FOXP1: variants seen among roughly 807,000 people sequenced by gnomAD.
FOXP1 encodes forkhead box P1, also known as forkhead box protein P1.
In FOXP1, 15 loss-of-function variants were observed where a neutral mutation model predicts 98.2. That is an observed-to-expected ratio of 0.15 (90% CI 0.10 to 0.24). The LOEUF (loss-of-function observed/expected upper bound fraction) is 0.24. FOXP1 is among the 10% of genes least tolerant of loss of function. The probability of loss-of-function intolerance (pLI) is 1.00; values close to 1 mark genes in which losing one functional copy is unlikely to be tolerated. For synonymous variants in FOXP1, 371 were observed against 314.5 expected (o/e 1.18, Z -1.90); for missense variants, 633 against 848.5 (o/e 0.75, Z 3.15).
rs186514985 is a variant in FOXP1, at chr3:71,316,585, C to A, written c.-72-16705G>T. On this transcript the variant is annotated intron_variant, in intron 4 of 20. Coordinates refer to ENST00000649528, the MANE Select transcript of FOXP1 (RefSeq NM_001349338.3). ...CAGAGCTGCCTTCCTCCCCAAATTA[C>A]TTCCCTCACTTGGGGCACCCGGATG... Among the ~76,000 whole-genome samples the A allele has an allele frequency of 1.7e-3, 259 of 152,274 alleles. 1 individual carries two copies. The highest frequency in any genetic ancestry group is 3.0e-3 in the Non-Finnish European group (201 of 68,020).
intron 5 of FOXP1, among the ~76,000 whole-genome samples, chr3:71,280,322 T>G (rs2071396088): frequency 3.9e-5 from 1 of 25,676 alleles, no homozygotes; most frequent in Non-Finnish European, 8.3e-5. Context: ...TTACAATATC[T>G]TTTTTTTTTA....
At chr3:71,530,085 AC>A (rs2043714349) in intron 2 of FOXP1, among the ~76,000 whole-genome samples, 1 of 152,140 alleles carries the variant, frequency 6.6e-6, no homozygotes. Flanking sequence ...GAATTGAATG[AC>A]AGGACACCCA....
At chr3:71,501,486 G>C (rs1577877007) in intron 2 of FOXP1, among the ~76,000 whole-genome samples, 1 of 151,738 alleles carries the variant, frequency 6.6e-6, no homozygotes. Flanking sequence ...GTAGAAAGAG[G>C]GTTTCACCAT....
chr3:71,354,466 G>C lies in FOXP1; in HGVS notation c.-73+4684C>G, dbSNP rs115791840. On this transcript the variant is annotated intron_variant, in intron 4 of 20. Coordinates refer to ENST00000649528, the MANE Select transcript of FOXP1 (RefSeq NM_001349338.3). ...TTTTCTGGATGTGGGTCAGGCTCCAGACACTGAGCCATTGCAGCGCTTGAG... is the reference window on the plus strand; with the variant it reads ...TTTTCTGGATGTGGGTCAGGCTCCACACACTGAGCCATTGCAGCGCTTGAG... Among the ~76,000 whole-genome samples the C allele has an allele frequency of 4.3e-3, 657 of 152,320 alleles. 9 individuals are homozygous for C. Among genetic ancestry groups the C allele is most frequent in the African/African-American group, 0.015 (625 of 41,572 alleles).
chr3:71,204,427 C>G (rs560425193), intron 5 of FOXP1, among the ~76,000 whole-genome samples: 1 of 152,130 alleles, frequency 6.6e-6, no homozygotes, highest in Non-Finnish European at 1.5e-5. Flanking sequence ...CAGTTCTGTA[C>G]TCTTTAATGC....
At chr3:71,112,136 C>A (rs980856002) in intron 7 of FOXP1, among the ~76,000 whole-genome samples, 1 of 151,704 alleles carries the variant, frequency 6.6e-6, no homozygotes, top group Non-Finnish European at 1.5e-5. Flanking sequence ...GGGGGGGTCG[C>A]CAAAATCTTC....
At chr3:71,571,354 G>A (rs1265426592) in intron 2 of FOXP1, 2 of 152,186 alleles carry the variant, frequency 1.3e-5, no homozygotes, top group African/African-American at 2.4e-5. Context: ...CCTGGTTAAT[G>A]CAGACTAGTC....
chr3:71,088,520 T>A (rs1468933787), intron 7 of FOXP1, among the ~76,000 whole-genome samples: 1 of 151,512 alleles, frequency 6.6e-6, no homozygotes, highest in Non-Finnish European at 1.5e-5. Flanking sequence ...AACCACCCAA[T>A]AATTTGTCAG....
chr3:71,098,409 C>G (rs761879809), intron 7 of FOXP1, among the ~76,000 whole-genome samples: 4 of 152,146 alleles, frequency 2.6e-5, no homozygotes, highest in Admixed American at 6.5e-5. Flanking sequence ...GGTAGTCTAA[C>G]CGCACTACAG....
chr3:71,394,757 G>C (rs1025198063), intron 3 of FOXP1, among the ~76,000 whole-genome samples: 2 of 152,102 alleles, frequency 1.3e-5, no homozygotes, highest in Admixed American at 1.3e-4. Flanking sequence ...GGATTTGTTT[G>C]GGGACTCCAA....
In FOXP1 at chr3:70,986,048, T is replaced by C. The variant is rs2039673809; in HGVS notation, c.1146+1946A>G. 3.9e-5 allele frequency among the ~76,000 whole-genome samples: 6 copies of C among 152,212 alleles called. No individual in the cohort carries two copies. The South Asian group carries it at 1.2e-3, about 31-fold the overall frequency. ...TTGACTAGTGGTAGAGAATTTTCAATAGAGCAGTTAAAAATAAATTTAGTA... is the reference window on the plus strand; with the variant it reads ...TTGACTAGTGGTAGAGAATTTTCAACAGAGCAGTTAAAAATAAATTTAGTA... On this transcript the variant is annotated intron_variant, in intron 14 of 20. Coordinates refer to ENST00000649528, the MANE Select transcript of FOXP1 (RefSeq NM_001349338.3).
intron 4 of FOXP1, among the ~76,000 whole-genome samples, chr3:71,305,212 T>C (rs778169505): frequency 5.3e-5 from 8 of 152,098 alleles, no homozygotes; most frequent in African/African-American, 9.7e-5. Flanking sequence ...AGACCCCAGA[T>C]AGTAAAACAA....
intron 3 of FOXP1, among the ~76,000 whole-genome samples, chr3:71,466,117 C>T (rs1453285644): frequency 6.6e-6 from 1 of 152,192 alleles, no homozygotes; most frequent in African/African-American, 2.4e-5. Context: ...CAACCAGGCA[C>T]AAGTGCGTAC....
chr3:71,023,667 T>C (rs371754854), intron 11 of FOXP1, among the ~76,000 whole-genome samples: 7 of 152,326 alleles, frequency 4.6e-5, no homozygotes, highest in African/African-American at 1.7e-4. Flanking sequence ...TTCAATGAGA[T>C]TGTACCGAAC....
At chr3:71,163,163 T>C (rs1483192359) in intron 6 of FOXP1, among the ~76,000 whole-genome samples, 1 of 152,170 alleles carries the variant, frequency 6.6e-6, no homozygotes, top group Non-Finnish European at 1.5e-5. Context: ...TGGATCTGCT[T>C]CCCAAATCTT....
At chr3:71,518,809 G>A (rs953434089) in intron 2 of FOXP1, among the ~76,000 whole-genome samples, 2 of 152,200 alleles carry the variant, frequency 1.3e-5, no homozygotes, top group African/African-American at 4.8e-5. Context: ...CCATTACTCT[G>A]TGACCTTATA....
intron 4 of FOXP1, among the ~76,000 whole-genome samples, chr3:71,316,012 G>A (rs575913485): frequency 1.3e-5 from 2 of 152,268 alleles, no homozygotes; most frequent in Admixed American, 6.5e-5. Context: ...CTTCCGTTAA[G>A]AGGCAGCAAA....
At chr3:71,580,191 ATT>A (rs11287434) in intron 2 of FOXP1, among the ~76,000 whole-genome samples, 2 of 144,362 alleles carry the variant, frequency 1.4e-5, no homozygotes, top group African/African-American at 5.2e-5. Context: ...AAAAAAAGTG[ATT>A]TTTTTTTTCT....
chr3:71,043,723 G>A (rs1053081361), intron 10 of FOXP1, among the ~76,000 whole-genome samples: 1 of 152,168 alleles, frequency 6.6e-6, no homozygotes, highest in Non-Finnish European at 1.5e-5. Context: ...GGGAAGACTA[G>A]GACAGGGTCC....
Sources: gnomAD v4.1 joint callset for allele counts (sites outside exome capture counted in the v4.1 genomes callset) on GRCh38, gnomAD v4.1.1 for gene constraint, MANE v1.5 for transcripts, NCBI Gene and HGNC (gene_info 2026-07-23, HGNC 2026-07-21) for gene names.